The following SCHIP1 variants were observed in gnomAD, a reference collection of about 807,000 sequenced individuals.
SCHIP1 encodes the protein schwannomin-interacting protein 1.
Under a neutral mutation model 29.7 loss-of-function variants are expected in SCHIP1, and 8 were observed. The observed-to-expected ratio is 0.27, with a 90% CI of 0.16 to 0.49. SCHIP1 has a LOEUF of 0.49. Among genes scored for constraint, SCHIP1 ranks in the 20% least tolerant of loss-of-function variants. SCHIP1 has a pLI of 0.99. For synonymous variants in SCHIP1, 76 were observed against 94.9 expected (o/e 0.80, Z 1.16); for missense variants, 193 against 294.6 (o/e 0.66, Z 2.52).
chr3:159,418,245 G>T, the SCHIP1 span, among the ~76,000 whole-genome samples: 2 of 152,084 alleles, frequency 1.3e-5, no homozygotes, highest in Admixed American at 6.5e-5. Flanking sequence ...ATCCTCTGTT[G>T]ACAGGCATTT....
chr3:159,728,488 C>T, the SCHIP1 span, among the ~76,000 whole-genome samples: 1 of 152,170 alleles, frequency 6.6e-6, no homozygotes, highest in Non-Finnish European at 1.5e-5. Context: ...TTGTTCCATG[C>T]CTAAGTAATG....
chr3:159,710,956 C>T, the SCHIP1 span, among the ~76,000 whole-genome samples: 2 of 152,052 alleles, frequency 1.3e-5, no homozygotes, highest in South Asian at 2.1e-4. Context: ...AAAAAGCAAG[C>T]GTGACCTATT....
At chr3:159,731,941 A>G in the SCHIP1 span, among the ~76,000 whole-genome samples, 2 of 151,786 alleles carry the variant, frequency 1.3e-5, no homozygotes, top group South Asian at 4.2e-4. Context: ...CTCTGCCTCT[A>G]GGTTCAAGCA....
the SCHIP1 span, among the ~76,000 whole-genome samples, chr3:159,731,297 C>T: frequency 6.6e-6 from 1 of 152,196 alleles, no homozygotes; most frequent in Admixed American, 6.5e-5. Flanking sequence ...TAATCCACCC[C>T]CAAATCAACA....
the SCHIP1 span, among the ~76,000 whole-genome samples, chr3:159,316,786 T>C: frequency 9.8e-5 from 15 of 152,312 alleles, no homozygotes; most frequent in African/African-American, 3.6e-4. Context: ...CAATAAATCT[T>C]ACGTCACATG....
chr3:159,280,337 G>A, the SCHIP1 span, among the ~76,000 whole-genome samples: 1 of 152,136 alleles, frequency 6.6e-6, no homozygotes, highest in Non-Finnish European at 1.5e-5. Context: ...AGCCTGCCTA[G>A]TAATCTCTAT....
At chr3:159,476,375 T>C in the SCHIP1 span, among the ~76,000 whole-genome samples, 1 of 152,208 alleles carries the variant, frequency 6.6e-6, no homozygotes, top group South Asian at 2.1e-4. Flanking sequence ...AATTTCTAGC[T>C]TTATTTATTC....
At chr3:159,658,064 G>T in the SCHIP1 span, among the ~76,000 whole-genome samples, 1 of 152,238 alleles carries the variant, frequency 6.6e-6, no homozygotes, top group Non-Finnish European at 1.5e-5. Context: ...AGAAAGAGCA[G>T]AAAATTGCCT....
the SCHIP1 span, among the ~76,000 whole-genome samples, chr3:159,660,242 AAATGGC>A: frequency 6.6e-6 from 1 of 152,128 alleles, no homozygotes; most frequent in Admixed American, 6.5e-5. Flanking sequence ...GTCGGATATG[AAATGGC>A]CTGAAAGGAA....
In SCHIP1 at chr3:159,857,423, GTA is replaced by G. The variant is rs372398623; in HGVS notation, c.31-8738_31-8737del. ...CAGCTCTCCTCATTTTCGTGTGTGT[GTA>G]TGGCTTTTTTAAAAATTGAGATATA... is the stretch of plus-strand genomic sequence containing the variant. On this transcript the variant is annotated intron_variant, in intron 1 of 6. Coordinates refer to ENST00000445224, the Ensembl canonical transcript of SCHIP1. Among the ~76,000 whole-genome samples the G allele has an allele frequency of 3.1e-4, 47 of 152,198 alleles. 1 individual carries two copies. The South Asian group carries it at 5.8e-3, about 19-fold the overall frequency.
chr3:159,787,210 T>C, the SCHIP1 span, among the ~76,000 whole-genome samples: 1 of 152,212 alleles, frequency 6.6e-6, no homozygotes, highest in African/African-American at 2.4e-5. Context: ...TAATTTAAAA[T>C]TGACTTCAAA....
the SCHIP1 span, among the ~76,000 whole-genome samples, chr3:159,634,498 T>C: frequency 6.6e-6 from 1 of 152,200 alleles, no homozygotes; most frequent in Non-Finnish European, 1.5e-5. Flanking sequence ...GTTTAGTCGT[T>C]GGTTTCACAA....
At chr3:159,448,755 C>G in the SCHIP1 span, among the ~76,000 whole-genome samples, 43 of 152,200 alleles carry the variant, frequency 2.8e-4, no homozygotes, top group African/African-American at 1.0e-3. Flanking sequence ...TTTCTGCTGT[C>G]TACCATCTAT....
At chr3:159,865,937 T>G (rs2109255465) in intron 1 of SCHIP1, among the ~76,000 whole-genome samples, 2 of 152,342 alleles carry the variant, frequency 1.3e-5, no homozygotes, top group South Asian at 4.1e-4. Flanking sequence ...ACCACGATGG[T>G]GATTACTTAG....
the SCHIP1 span, among the ~76,000 whole-genome samples, chr3:159,543,134 T>G: frequency 2.4e-4 from 34 of 144,592 alleles, no homozygotes; most frequent in East Asian, 1.9e-3. Context: ...TATATATATA[T>G]ATAGATATAA....
At chr3:159,409,088 C>T in the SCHIP1 span, among the ~76,000 whole-genome samples, 1 of 152,142 alleles carries the variant, frequency 6.6e-6, no homozygotes, top group Non-Finnish European at 1.5e-5. Flanking sequence ...AATTCAACAT[C>T]CCTTCATGAC....
At chr3:159,317,902 T>C in the SCHIP1 span, among the ~76,000 whole-genome samples, 1 of 152,202 alleles carries the variant, frequency 6.6e-6, no homozygotes, top group Non-Finnish European at 1.5e-5. Context: ...CTTTCCATGA[T>C]GGAAGAATTC....
At chr3:159,869,800 T>C (rs981422260) in intron 2 of SCHIP1, among the ~76,000 whole-genome samples, 2 of 151,928 alleles carry the variant, frequency 1.3e-5, no homozygotes, top group South Asian at 2.1e-4. Flanking sequence ...TTAGGAAGCA[T>C]TACATTTTCT....
At chr3:159,560,891 T>A in the SCHIP1 span, among the ~76,000 whole-genome samples, 1 of 152,212 alleles carries the variant, frequency 6.6e-6, no homozygotes, top group Non-Finnish European at 1.5e-5. Flanking sequence ...TGCGATGGTG[T>A]GTGAATCTTG....
Sources: allele counts gnomAD v4.1 joint callset (sites outside exome capture counted in the v4.1 genomes callset), GRCh38; gene constraint gnomAD v4.1.1; transcripts MANE v1.5; gene names NCBI Gene and HGNC (gene_info 2026-07-23, HGNC 2026-07-21).